The following COL5A2 variants were observed in gnomAD, a reference collection of about 807,000 sequenced individuals.
COL5A2 encodes the protein collagen type V alpha 2 chain.
In COL5A2, 23 loss-of-function variants were observed where a neutral mutation model predicts 208.2. The observed-to-expected ratio is 0.11, with a 90% confidence interval of 0.08 to 0.16. The LOEUF (loss-of-function observed/expected upper bound fraction) is 0.16. Ranked by LOEUF, COL5A2 falls within the 10% of genes least tolerant of loss-of-function variation. The probability of loss-of-function intolerance (pLI) is 1.00; values close to 1 mark genes in which losing one functional copy is unlikely to be tolerated. For synonymous variants in COL5A2, 625 were observed against 628.5 expected (o/e 0.99, Z 0.08); for missense variants, 1,590 against 1,956.4 (o/e 0.81, Z 3.53).
chr2:189,117,671 A>G, intron 1 of COL5A2, among the ~76,000 whole-genome samples: 1 of 152,092 alleles, frequency 6.6e-6, no homozygotes, highest in Non-Finnish European at 1.5e-5. Context: ...CCTTACCAAA[A>G]AAATTGCACA....
chr2:189,435,716 TAC>T, the COL5A2 span, among the ~76,000 whole-genome samples: 6 of 152,336 alleles, frequency 3.9e-5, no homozygotes, highest in South Asian at 1.2e-3. Flanking sequence ...GGAACACTTT[TAC>T]ACTGTTGGTG....
chr2:189,137,322 A>T, intron 1 of COL5A2, among the ~76,000 whole-genome samples: 1 of 152,238 alleles, frequency 6.6e-6, no homozygotes, highest in East Asian at 1.9e-4. Context: ...ATAATAACAT[A>T]TATATCAAGG....
the COL5A2 span, among the ~76,000 whole-genome samples, chr2:189,296,875 G>C: frequency 6.6e-6 from 1 of 152,168 alleles, no homozygotes; most frequent in Non-Finnish European, 1.5e-5. Context: ...TAGTTGACGA[G>C]AGTAGGGAAT....
chr2:189,224,813 A>G (rs1269976471), intron 1 of COL5A2, among the ~76,000 whole-genome samples: 3 of 152,172 alleles, frequency 2.0e-5, no homozygotes, highest in Non-Finnish European at 4.4e-5. Context: ...TCCAAAAACC[A>G]TTAAGTGAAA....
upstream of COL5A2, chr2:189,179,871 G>A: frequency 1.7e-6 from 1 of 599,604 alleles, no homozygotes. Context: ...TGTCTGCCAA[G>A]CAACGGTCTG....
At chr2:189,313,342 A>C in the COL5A2 span, among the ~76,000 whole-genome samples, 1 of 152,342 alleles carries the variant, frequency 6.6e-6, no homozygotes, top group East Asian at 1.9e-4. Flanking sequence ...GCCAACATTC[A>C]AATTTCATAA....
At chr2:189,179,079 T>C (rs890103258) in intron 1 of COL5A2, among the ~76,000 whole-genome samples, 55 of 152,172 alleles carry the variant, frequency 3.6e-4, no homozygotes, top group African/African-American at 1.3e-3. Context: ...CAAAGAATTT[T>C]ATGAAGCAGC....
At chr2:189,278,410 T>TTCAG in the COL5A2 span, among the ~76,000 whole-genome samples, 3 of 152,166 alleles carry the variant, frequency 2.0e-5, no homozygotes, top group East Asian at 5.8e-4. Context: ...AAGGAGAACA[T>TTCAG]TCAGTCAGTC....
chr2:189,040,960 A>C (rs1360429973), intron 50 of COL5A2, among the ~76,000 whole-genome samples: 1 of 152,236 alleles, frequency 6.6e-6, no homozygotes, highest in Non-Finnish European at 1.5e-5. Flanking sequence ...AAAAGTAAGG[A>C]AGAGAAGGTA....
chr2:189,402,279 G>A, the COL5A2 span, among the ~76,000 whole-genome samples: 7 of 152,160 alleles, frequency 4.6e-5, no homozygotes, highest in African/African-American at 1.7e-4. Context: ...GTGCAGTGGT[G>A]CGATCTTGGC....
chr2:189,067,710 A>G (rs564021973), intron 21 of COL5A2, among the ~76,000 whole-genome samples: 86 of 152,308 alleles, frequency 5.6e-4, no homozygotes, highest in Non-Finnish European at 1.0e-3. Flanking sequence ...GGCTTGCATA[A>G]TATTTTCATA....
Position 189,081,151 on chromosome 2 carries a change from A to G in COL5A2, c.853-108T>C, listed in dbSNP as rs191193601. 44 of 840,922 alleles carry G rather than the reference A, an allele frequency of 5.2e-5. No homozygotes were observed. In the Middle Eastern group the frequency reaches 1.6e-3, roughly 30 times the overall value. 52.1% of individuals were successfully genotyped at this position (840,922 alleles called of 1,614,324 possible). ...ATAGCTAGTACACAGTTTTCCAGCA[A>G]CATATTAAGAAGAACAAAAAAAAGC... On this transcript the variant is annotated intron_variant, in intron 12 of 53. Transcript: ENST00000374866.
At chr2:189,223,981 C>A (rs1026450244) in intron 1 of COL5A2, among the ~76,000 whole-genome samples, 4 of 151,974 alleles carry the variant, frequency 2.6e-5, no homozygotes, top group East Asian at 1.9e-4. Flanking sequence ...TAAGAAAATT[C>A]TGTCACATTG....
chr2:189,251,528 C>T, the COL5A2 span, among the ~76,000 whole-genome samples: 1 of 152,066 alleles, frequency 6.6e-6, no homozygotes, highest in Admixed American at 6.6e-5. Flanking sequence ...TTAAATAGTT[C>T]TTTATTGTCT....
the COL5A2 span, among the ~76,000 whole-genome samples, chr2:189,349,721 G>T: frequency 6.6e-6 from 1 of 152,088 alleles, no homozygotes; most frequent in African/African-American, 2.4e-5. Context: ...AAACAAACAC[G>T]TTAACTTTTT....
chr2:189,380,499 T>G, the COL5A2 span, among the ~76,000 whole-genome samples: 1 of 151,926 alleles, frequency 6.6e-6, no homozygotes, highest in Admixed American at 6.6e-5. Context: ...CCCAATATTT[T>G]TAATGAAAGG....
chr2:189,324,804 A>G, the COL5A2 span, among the ~76,000 whole-genome samples: 1 of 152,230 alleles, frequency 6.6e-6, no homozygotes, highest in Non-Finnish European at 1.5e-5. Context: ...TGACCCAGCC[A>G]TCCCATTACT....
intron 44 of COL5A2, 63 bp downstream of exon 44, chr2:189,049,284 G>T: frequency 8.6e-7 from 1 of 1,166,634 alleles, no homozygotes; most frequent in Non-Finnish European, 1.3e-6. Flanking sequence ...ATTGCTAAAT[G>T]AAAAAAATTG....
At chr2:189,206,730 A>G (rs1689147826) in intron 1 of COL5A2, among the ~76,000 whole-genome samples, 2 of 151,930 alleles carry the variant, frequency 1.3e-5, no homozygotes, top group Admixed American at 6.6e-5. Flanking sequence ...TCAATAAAAT[A>G]TGGGGGACAC....
Sources: allele counts gnomAD v4.1 joint callset (sites outside exome capture counted in the v4.1 genomes callset), GRCh38; gene constraint gnomAD v4.1.1; transcripts MANE v1.5; gene names NCBI Gene and HGNC (gene_info 2026-07-23, HGNC 2026-07-21).